The following ITIH6 variants were observed in gnomAD, a reference collection of about 807,000 sequenced individuals.
ITIH6 encodes inter-alpha-trypsin inhibitor heavy chain H6.
ITIH6 carries 60 observed loss-of-function variants against 58.2 expected under a neutral mutation model. That is an observed-to-expected ratio of 1.03 (90% confidence interval 0.84 to 1.28). ITIH6 has a LOEUF of 1.28. Among genes scored for constraint, ITIH6 ranks in the 50% most tolerant of loss-of-function variants. The probability of loss-of-function intolerance (pLI) is 0.00; values close to 1 mark genes in which losing one functional copy is unlikely to be tolerated. For missense variants in ITIH6, 1,290 were observed against 1,021.1 expected, an observed-to-expected ratio of 1.26 and a Z score of -3.59; for synonymous variants, 493 against 417.4, an observed-to-expected ratio of 1.18 and a Z score of -2.21.
intron 6 of ITIH6, among the ~76,000 whole-genome samples, chrX:54,765,767 C>G (rs1192381637): frequency 2.7e-5 from 3 of 109,791 alleles, no homozygotes; most frequent in Non-Finnish European, 5.7e-5. Context: ...GTTTTGGTAA[C>G]AGTACCATGC....
rs1928541455 is a variant in ITIH6 at position 54,757,993 on chromosome X, G to C, written c.2081C>G (p.Pro694Arg). The C allele has an allele frequency of 8.3e-6, 10 of 1,211,916 alleles. No homozygotes were observed. In the South Asian group the frequency reaches 1.6e-4, roughly 19 times the overall value. Residue 694 changes from proline (P) to arginine (R), a missense_variant, in exon 8 of 13, where the codon CCT becomes CGT. Transcript: ENST00000218436. ...GTATGTGGGCATTGACAGGGTATGA[G>C]GGCTCTCTCCCAATGGCTCCAGCTC... ...SKELEPLGES[P>R]HTLSMPTYPK...
Position 54,790,887 on chromosome X carries a change from A to G in ITIH6, c.566T>C (p.Val189Ala), listed in dbSNP as rs779910594. ...GCCGGTCCTCAGGGGTGGTATGTGC[A>G]CATAGGAGATGCCTGTCCTTTCTGA... The part of the protein sequence containing the change: ...TVSERTGISY[V>A]HIPPLRTGRL... The change falls in exon 4 of 13, where the codon GTG becomes GCG. Residue 189 changes from valine to alanine, a missense_variant. Coordinates refer to ENST00000218436, the MANE Select transcript of ITIH6 (RefSeq NM_198510.3). The G allele has an allele frequency of 2.5e-6, 3 of 1,211,014 alleles. No individual in the cohort carries two copies. In the African/African-American group the frequency reaches 5.2e-5, roughly 21 times the overall value.
Position 54,756,950 on chromosome X carries a change from A to G in ITIH6, c.3109+15T>C, listed in dbSNP as rs775841165. The G allele has an allele frequency of 9.1e-7, 1 of 1,100,392 alleles. No homozygotes were observed. The highest frequency in any genetic ancestry group is 1.2e-6 in the Non-Finnish European group (1 of 816,728). The allele number at this position is 1,100,392 out of a possible 1,213,427, so 90.7% of individuals were successfully genotyped here. A position where few individuals can be genotyped will look rare whatever the true frequency, so the allele number is the denominator to read the frequency against. On this transcript the variant is annotated intron_variant, in intron 8 of 12. Coordinates refer to ENST00000218436, the MANE Select transcript of ITIH6 (RefSeq NM_198510.3). ...CCTCACCCTCATGGCTCGACCTCTT[A>G]CCCATGGCACTCACCATCTTCATCA...
At chrX:54,767,405 A>T (rs1433932938) in intron 6 of ITIH6, among the ~76,000 whole-genome samples, 2 of 103,659 alleles carry the variant, frequency 1.9e-5, no homozygotes, top group Non-Finnish European at 3.9e-5. Flanking sequence ...TTCTGCTCTG[A>T]TTTTAGTTAT....
At position 54,749,113 on chromosome X, in the gene ITIH6, G is replaced by A. The variant is rs1278598563; in HGVS notation, c.*782C>T. On this transcript the variant is annotated 3_prime_UTR_variant, in exon 13 of 13. Coordinates refer to ENST00000218436, the MANE Select transcript of ITIH6 (RefSeq NM_198510.3). The stretch of plus-strand genomic sequence containing the variant: ...TGTGATCCTGTGTCTTTGGTTGTGA[G>A]TATGTATATATGTGTGTCTATTGCT... 1.8e-5 allele frequency: 2 copies of A among 111,793 alleles called. No individual in the cohort carries two copies. Among genetic ancestry groups the A allele is most frequent in the Admixed American group, 9.5e-5 (1 of 10,559 alleles). 9.2% of individuals were successfully genotyped at this position (111,793 alleles called of 1,213,427 possible). A position where few individuals can be genotyped will look rare whatever the true frequency, so the allele number is the denominator to read the frequency against.
In ITIH6 at chrX:54,749,339, G is replaced by GATCTC; in HGVS notation, c.*555_*556insGAGAT. Reference sequence around the variant, plus strand: ...ACAGTATAAATACTGTGAGCGTGGAGGGTTGGGGGTGGGCTATAGGAACCC... The same window carrying GATCTC: ...ACAGTATAAATACTGTGAGCGTGGAGATCTCGGTTGGGGGTGGGCTATAGGAACCC... On this transcript the variant is annotated 3_prime_UTR_variant, in exon 13 of 13. Coordinates refer to ENST00000218436, the MANE Select transcript of ITIH6 (RefSeq NM_198510.3). 1 of 114,527 alleles carries GATCTC rather than the reference G, an allele frequency of 8.7e-6. No individual in the cohort carries two copies. Among genetic ancestry groups the GATCTC allele is most frequent in the Non-Finnish European group, 1.8e-5 (1 of 54,285 alleles). 9.4% of individuals were successfully genotyped at this position (114,527 alleles called of 1,213,427 possible).
At chrX:54,766,745 G>C (rs1171628811) in intron 6 of ITIH6, among the ~76,000 whole-genome samples, 9 of 100,245 alleles carry the variant, frequency 9.0e-5, no homozygotes, top group Non-Finnish European at 1.8e-4. Flanking sequence ...AAGCCCACTT[G>C]ATCATGGTGT....
intron 6 of ITIH6, among the ~76,000 whole-genome samples, chrX:54,767,727 C>G (rs374629908): frequency 9.7e-6 from 1 of 103,193 alleles, no homozygotes; most frequent in Non-Finnish European, 1.9e-5. Context: ...ATCCTGAGTT[C>G]TAGTTTGATT....
chrX:54,775,479 C>T (rs1007755073), intron 5 of ITIH6, among the ~76,000 whole-genome samples: 8 of 110,649 alleles, frequency 7.2e-5, no homozygotes, highest in African/African-American at 2.0e-4. Flanking sequence ...CACCATAAAC[C>T]TCCTCCCTCA....
At chrX:54,781,534 C>T (rs1286993817) in intron 5 of ITIH6, among the ~76,000 whole-genome samples, 1 of 112,150 alleles carries the variant, frequency 8.9e-6, no homozygotes. Context: ...CAATGAGACA[C>T]CATCTCACAA....
chrX:54,770,251 C>T (rs1602060063), intron 6 of ITIH6, among the ~76,000 whole-genome samples: 1 of 112,586 alleles, frequency 8.9e-6, no homozygotes, highest in African/African-American at 3.2e-5. Context: ...GCATGGTGCG[C>T]GCACCCACTG....
rs1166881646 is a variant in ITIH6, at chrX:54,786,281, C to T, written c.786+2199G>A. On this transcript the variant is annotated intron_variant, in intron 5 of 12. Coordinates refer to ENST00000218436, the MANE Select transcript of ITIH6 (RefSeq NM_198510.3). Reference sequence around the variant, plus strand: ...AGGCCACCCTCCTCTTCATCCCTAACTGACAAAGCCCAAGCTCAGGCCTCA... The same window carrying T: ...AGGCCACCCTCCTCTTCATCCCTAATTGACAAAGCCCAAGCTCAGGCCTCA... 1.7e-4 allele frequency among the ~76,000 whole-genome samples: 19 copies of T among 111,899 alleles called. No homozygotes were observed. The Admixed American group carries it at 1.8e-3, about 11-fold the overall frequency.
In ITIH6 at chrX:54,749,844, G is replaced by A. The variant is rs373061057; in HGVS notation, c.*51C>T. 2.7e-6 allele frequency: 3 copies of A among 1,094,349 alleles called. No individual in the cohort carries two copies. Among genetic ancestry groups the A allele is most frequent in the Non-Finnish European group, 3.7e-6 (3 of 806,149 alleles). The allele number at this position is 1,094,349 out of a possible 1,213,427, so 90.2% of individuals were successfully genotyped here. On this transcript the variant is annotated 3_prime_UTR_variant, in exon 13 of 13. Coordinates refer to ENST00000218436, the MANE Select transcript of ITIH6 (RefSeq NM_198510.3). ...TGTCCCTGGCTCACCCCATGCCCTGGTTTCTGGATCTCCCAAATTCAGGTC... is the reference window on the plus strand; with the variant it reads ...TGTCCCTGGCTCACCCCATGCCCTGATTTCTGGATCTCCCAAATTCAGGTC...
intron 9 of ITIH6, 121 bp from the exon 10 acceptor site, chrX:54,754,086 A>G (rs1928435106): frequency 3.0e-6 from 2 of 664,160 alleles, no homozygotes; most frequent in East Asian, 6.8e-5. Context: ...CTTTTCTGAA[A>G]TCTAGTCCCT....
intron 6 of ITIH6, among the ~76,000 whole-genome samples, chrX:54,765,989 G>T (rs1446192992): frequency 5.4e-5 from 6 of 111,125 alleles, no homozygotes; most frequent in Non-Finnish European, 1.1e-4. Context: ...AGGCAGTATG[G>T]CCATTTTCAC....
Position 54,751,347 on chromosome X carries a change from G to T in ITIH6, c.3386C>A (p.Pro1129Gln). ...LHVSGKLLGA[P>Q]PRPGHKDQTR... ...CTGGTCCTTGTGGCCCGGCCTTGGT[G>T]GTGCGCCAAGCAGCTTCCCACTCAC... The change falls in exon 12 of 13, where the codon CCA (proline) becomes CAA (glutamine). Residue 1129 changes from proline to glutamine, a missense_variant. Physicochemically the swap from Pro to Gln is moderately conservative, Grantham distance 76 (BLOSUM62 -1). Coordinates refer to ENST00000218436, the MANE Select transcript of ITIH6 (RefSeq NM_198510.3). The T allele has an allele frequency of 8.3e-7, 1 of 1,212,037 alleles. No individual in the cohort carries two copies.
At chrX:54,772,682 A>C (rs1928977204) in intron 6 of ITIH6, among the ~76,000 whole-genome samples, 2 of 112,418 alleles carry the variant, frequency 1.8e-5, no homozygotes, top group Admixed American at 9.4e-5. Flanking sequence ...AAAGGAAATA[A>C]ACTAAAAGGC....
intron 5 of ITIH6, among the ~76,000 whole-genome samples, chrX:54,776,853 G>A (rs988504793): frequency 8.0e-5 from 9 of 112,075 alleles, no homozygotes; most frequent in African/African-American, 2.9e-4. Flanking sequence ...GGCTTTAGGT[G>A]ATGCACATTC....
At chrX:54,764,388 T>A (rs950219944) in intron 6 of ITIH6, among the ~76,000 whole-genome samples, 3 of 108,635 alleles carry the variant, frequency 2.8e-5, no homozygotes, top group African/African-American at 1.0e-4. Context: ...TAGGTATATC[T>A]CCCAATGCTA....
Sources: allele counts gnomAD v4.1 joint callset (sites outside exome capture counted in the v4.1 genomes callset), GRCh38; gene constraint gnomAD v4.1.1; transcripts MANE v1.5; gene names NCBI Gene and HGNC (gene_info 2026-07-23, HGNC 2026-07-21).